Variants in FSTL5 observed in about 807,000 individuals in gnomAD.
FSTL5 encodes the protein follistatin like 5.
Under a neutral mutation model 89.1 loss-of-function variants are expected in FSTL5, and 62 were observed. The ratio of observed to expected loss-of-function variants is 0.70; its 90% CI spans 0.57 to 0.86. FSTL5 has a LOEUF of 0.86. Ranked by LOEUF, FSTL5 falls within the 40% of genes least tolerant of loss-of-function variation. The probability of loss-of-function intolerance (pLI) is 0.00; values close to 1 mark genes in which losing one functional copy is unlikely to be tolerated. For synonymous variants in FSTL5, 383 were observed against 346.2 expected, an observed-to-expected ratio of 1.11 and a Z score of -1.18; for missense variants, 1,057 against 1,001.6, an observed-to-expected ratio of 1.06 and a Z score of -0.75.
intron 8 of FSTL5, among the ~76,000 whole-genome samples, chr4:161,579,640 C>T (rs549860937): frequency 1.3e-5 from 2 of 150,928 alleles, no homozygotes; most frequent in Non-Finnish European, 2.9e-5. Context: ...TTGCTTGAAC[C>T]TGGGAGGCAG....
chr4:161,614,997 A>G (rs1560979947), intron 7 of FSTL5, among the ~76,000 whole-genome samples: 1 of 152,112 alleles, frequency 6.6e-6, no homozygotes, highest in African/African-American at 2.4e-5. Context: ...GAACATGTAA[A>G]GAAATAAAAG....
chr4:161,668,357 A>G (rs1736970370), intron 6 of FSTL5, among the ~76,000 whole-genome samples: 4 of 152,220 alleles, frequency 2.6e-5, no homozygotes, highest in Admixed American at 2.6e-4. Flanking sequence ...TACTTATGAA[A>G]GAAATCACAT....
At chr4:162,129,318 AATG>A (rs113113357) in intron 1 of FSTL5, among the ~76,000 whole-genome samples, 4 of 152,164 alleles carry the variant, frequency 2.6e-5, no homozygotes, top group Admixed American at 1.3e-4. Context: ...CAAATATTAT[AATG>A]ATAACCTACT....
intron 4 of FSTL5, among the ~76,000 whole-genome samples, chr4:161,857,875 G>A (rs944026401): frequency 2.6e-5 from 4 of 151,864 alleles, no homozygotes; most frequent in Admixed American, 6.6e-5. Flanking sequence ...CCCTATTTTG[G>A]TTAACTACTA....
At chr4:161,565,202 G>T (rs1315592003) in intron 8 of FSTL5, among the ~76,000 whole-genome samples, 1 of 147,930 alleles carries the variant, frequency 6.8e-6, no homozygotes, top group African/African-American at 2.5e-5. Context: ...AGATTTCTGG[G>T]ATTCATTTGA....
intron 4 of FSTL5, among the ~76,000 whole-genome samples, chr4:161,842,167 T>A (rs1446343690): frequency 1.3e-5 from 2 of 152,172 alleles, no homozygotes; most frequent in Non-Finnish European, 2.9e-5. Flanking sequence ...CCGTGTGTAA[T>A]TAAGAAGGCC....
chr4:161,887,567 C>T (rs563737481), intron 4 of FSTL5, among the ~76,000 whole-genome samples: 1 of 152,204 alleles, frequency 6.6e-6, no homozygotes, highest in East Asian at 1.9e-4. Context: ...TCTTTTGCTA[C>T]AATATCCTTA....
At chr4:161,948,790 T>C (rs11723892) in intron 3 of FSTL5, among the ~76,000 whole-genome samples, 49,102 of 151,622 alleles carry the variant, frequency 0.32, 9,721 homozygotes, top group Non-Finnish European at 0.43. Flanking sequence ...TCATGTATAA[T>C]GTATTTATTC....
Position 161,542,612 on chromosome 4 carries a change from C to A in FSTL5, c.1097G>T (p.Gly366Val), listed in dbSNP as rs1407579471. 3 of 1,569,898 alleles carry A rather than the reference C, an allele frequency of 1.9e-6. No individual in the cohort carries two copies. The highest frequency in any genetic ancestry group is 3.6e-5 in the Admixed American group (2 of 56,258). ...CCAGCCAAGCTGAGGCTTTGGTATG[C>A]CCTCTGCATGGCACCTAAGACTGGC... ...VTASLRCHAEGIPKPQLGWLK... is the reference protein window; with the variant it reads ...VTASLRCHAEVIPKPQLGWLK... The change falls in exon 9 of 16, where the codon GGC becomes GTC. Residue 366 changes from glycine (G) to valine (V), a missense_variant. Physicochemically the swap from Gly to Val is moderately radical, Grantham distance 109. This residue lies in a region of FSTL5 where 980 missense variants were observed against 903.2 expected (regional missense o/e 1.08). Coordinates refer to ENST00000306100, the MANE Select transcript of FSTL5 (RefSeq NM_020116.5).
At chr4:161,871,166 A>G (rs1256052432) in intron 4 of FSTL5, among the ~76,000 whole-genome samples, 1 of 152,066 alleles carries the variant, frequency 6.6e-6, no homozygotes, top group Non-Finnish European at 1.5e-5. Context: ...ACTTCAGTTT[A>G]TTTGTTTTAT....
In FSTL5 at chr4:161,920,445, T is replaced by C. The variant is rs898948955; in HGVS notation, c.368A>G (p.Gln123Arg). The change falls in exon 4 of 16, where the codon CAA becomes CGA. Residue 123 changes from glutamine to arginine, a missense_variant. By Grantham distance (43) the Gln-to-Arg change is conservative (BLOSUM62 1). Coordinates refer to ENST00000306100, the MANE Select transcript of FSTL5 (RefSeq NM_020116.5). ...EVHRAACLKK[Q>R]KITIVHNEDC... is the part of the protein sequence containing the mutation. ...TTCATTGTGAACAATGGTAATCTTT[T>C]GTTTTTTCAGGCAAGCAGCTCTGTG... 6.2e-7 allele frequency: 1 copy of C among 1,613,924 alleles called. No individual in the cohort carries two copies. The highest frequency in any genetic ancestry group is 8.5e-7 in the Non-Finnish European group (1 of 1,179,966).
At chr4:161,580,822 C>T (rs1377353683) in intron 8 of FSTL5, among the ~76,000 whole-genome samples, 2 of 152,126 alleles carry the variant, frequency 1.3e-5, no homozygotes, top group African/African-American at 2.4e-5. Context: ...AAAGCAATTA[C>T]TTTTGCACTA....
At chr4:162,109,032 A>T (rs2111402062) in intron 2 of FSTL5, among the ~76,000 whole-genome samples, 1 of 152,172 alleles carries the variant, frequency 6.6e-6, no homozygotes, top group South Asian at 2.1e-4. Flanking sequence ...AACAAATCAA[A>T]GAAATTGATA....
chr4:161,706,854 A>G (rs1738601771), intron 6 of FSTL5, among the ~76,000 whole-genome samples: 1 of 152,022 alleles, frequency 6.6e-6, no homozygotes, highest in South Asian at 2.1e-4. Context: ...ATTCTAAATT[A>G]TGCTCTCAAA....
At chr4:161,616,604 T>A (rs1170945747) in intron 7 of FSTL5, among the ~76,000 whole-genome samples, 1 of 151,980 alleles carries the variant, frequency 6.6e-6, no homozygotes, top group Non-Finnish European at 1.5e-5. Context: ...CTGAATAAAC[T>A]CCCCTTTATA....
intron 7 of FSTL5, among the ~76,000 whole-genome samples, chr4:161,636,730 G>A (rs1735731085): frequency 6.8e-6 from 1 of 147,824 alleles, no homozygotes; most frequent in Admixed American, 6.8e-5. Context: ...TTTTGTTCCT[G>A]CAATAGTTTA....
intron 7 of FSTL5, among the ~76,000 whole-genome samples, chr4:161,636,855 T>C (rs1735735629): frequency 9.3e-6 from 1 of 107,906 alleles, no homozygotes; most frequent in Non-Finnish European, 1.8e-5. Context: ...CTTAATCCAG[T>C]CTATCATTGT....
At chr4:162,163,462 TAA>T (rs201101264) in intron 1 of FSTL5, among the ~76,000 whole-genome samples, 151 bp downstream of exon 1, 4,853 of 132,428 alleles carry the variant, frequency 0.037, 97 homozygotes, top group Middle Eastern at 0.064. Flanking sequence ...ATAATAATAA[TAA>T]TAATAGTAAT....
intron 8 of FSTL5, among the ~76,000 whole-genome samples, chr4:161,557,381 G>C (rs1477273011): frequency 1.3e-5 from 2 of 151,336 alleles, no homozygotes; most frequent in African/African-American, 4.8e-5. Context: ...TTCATGACAA[G>C]CATACTAAAC....
Sources: gnomAD v4.1 joint callset for allele counts (sites outside exome capture counted in the v4.1 genomes callset) on GRCh38, gnomAD v4.1.1 for gene constraint, gnomAD v4.1.1 regional missense constraint, MANE v1.5 for transcripts, NCBI Gene and HGNC (gene_info 2026-07-23, HGNC 2026-07-21) for gene names.